Variants in DCC observed in about 807,000 individuals in gnomAD.
The protein encoded by DCC is DCC netrin 1 receptor.
DCC carries 58 observed loss-of-function variants against 172.5 expected under a neutral mutation model. The observed-to-expected ratio is 0.34, with a 90% CI of 0.27 to 0.42. The LOEUF (loss-of-function observed/expected upper bound fraction) is 0.42. Among genes scored for constraint, DCC ranks in the 10% least tolerant of loss-of-function variants. The pLI, the probability that DCC is intolerant of heterozygous loss-of-function variation, is 1.00. For synonymous variants in DCC, 709 were observed against 644.5 expected (o/e 1.10, Z -1.52); for missense variants, 1,740 against 1,791.0 (o/e 0.97, Z 0.51).
chr18:52,367,093 G>A (rs527269445), intron 1 of DCC, among the ~76,000 whole-genome samples: 6 of 152,310 alleles, frequency 3.9e-5, no homozygotes, highest in Non-Finnish European at 7.4e-5. Flanking sequence ...GCGCAGCGCC[G>A]GTGGGCTGGC....
At chr18:52,929,461 A>G (rs1270954293) in intron 5 of DCC, among the ~76,000 whole-genome samples, 1 of 152,190 alleles carries the variant, frequency 6.6e-6, no homozygotes, top group Non-Finnish European at 1.5e-5. Flanking sequence ...ACATAAAATA[A>G]AATACGTGAC....
intron 9 of DCC, among the ~76,000 whole-genome samples, chr18:53,189,607 G>A (rs1334926617): frequency 6.6e-6 from 1 of 152,066 alleles, no homozygotes; most frequent in African/African-American, 2.4e-5. Flanking sequence ...TAGAAATGTT[G>A]GTATTAACAG....
At chr18:52,498,400 GATC>G (rs1434803056) in intron 1 of DCC, among the ~76,000 whole-genome samples, 1 of 152,118 alleles carries the variant, frequency 6.6e-6, no homozygotes, top group Non-Finnish European at 1.5e-5. Context: ...AAGGTGGGTG[GATC>G]ACTTGAGGTC....
intron 1 of DCC, among the ~76,000 whole-genome samples, chr18:52,381,739 G>A (rs894636602): frequency 1.3e-5 from 2 of 152,008 alleles, no homozygotes; most frequent in Non-Finnish European, 1.5e-5. Flanking sequence ...TCACTGGGGC[G>A]GCTGTTTCTT....
chr18:52,397,254 G>T (rs752079774), intron 1 of DCC, among the ~76,000 whole-genome samples: 1 of 151,950 alleles, frequency 6.6e-6, no homozygotes, highest in Non-Finnish European at 1.5e-5. Context: ...CTCCCAAAAC[G>T]CATACTTCTA....
At chr18:52,370,224 T>G (rs1348206483) in intron 1 of DCC, among the ~76,000 whole-genome samples, 1 of 152,202 alleles carries the variant, frequency 6.6e-6, no homozygotes, top group Non-Finnish European at 1.5e-5. Context: ...ATCCTATTAC[T>G]GGGTATGTAC....
In DCC at chr18:52,749,856, T is replaced by A. The variant is rs79106229; in HGVS notation, c.92-2198T>A. Among the ~76,000 whole-genome samples, 46 of 152,334 alleles carry A rather than the reference T, an allele frequency of 3.0e-4. No individual in the cohort carries two copies. The East Asian group carries it at 8.3e-3, about 27-fold the overall frequency. The stretch of plus-strand genomic sequence containing the variant: ...CAAAAAAGCAATACATGCTTTCTAA[T>A]ATAGTTGCCTGCTCTTGAATTTCAA... On this transcript the variant is annotated intron_variant, in intron 1 of 28. Coordinates refer to ENST00000442544, the MANE Select transcript of DCC (RefSeq NM_005215.4).
rs568229584 is a variant in DCC, at chr18:53,028,273, C to G, written c.986-35032C>G. ...TCTTTTCGTTTTGTTTTGATTTTTG[C>G]TTTCTCAACTGTAGAATTCACATTA... On this transcript the variant is annotated intron_variant, in intron 5 of 28. Transcript: ENST00000442544. Among the ~76,000 whole-genome samples the G allele has an allele frequency of 5.3e-4, 81 of 152,030 alleles. 3 individuals carry two copies. The highest frequency in any genetic ancestry group is 6.6e-5 in the Admixed American group (1 of 15,248).
chr18:52,916,537 G>A (rs1319828498), intron 3 of DCC, among the ~76,000 whole-genome samples: 1 of 152,146 alleles, frequency 6.6e-6, no homozygotes, highest in African/African-American at 2.4e-5. Flanking sequence ...CTAATACAAT[G>A]TACCAATCCA....
chr18:52,669,489 G>A (rs2035513518), intron 1 of DCC, among the ~76,000 whole-genome samples: 2 of 152,144 alleles, frequency 1.3e-5, no homozygotes, highest in African/African-American at 4.8e-5. Flanking sequence ...TGCCCAAGAA[G>A]GAACAAGGAC....
chr18:52,815,301 T>C (rs2038272477), intron 2 of DCC, among the ~76,000 whole-genome samples: 1 of 152,058 alleles, frequency 6.6e-6, no homozygotes, highest in South Asian at 2.1e-4. Context: ...AAGGAGTTGA[T>C]AAATGTTACA....
In DCC at chr18:53,181,893, G is replaced by A. The variant is rs376681590; in HGVS notation, c.1573+2777G>A. On this transcript the variant is annotated intron_variant, in intron 9 of 28. Transcript: ENST00000442544. Reference sequence around the variant, plus strand: ...GCTCGTGGGCCCATGACCTGTGATGGCTGCAGCATATTACCTAGTTAATTT... The same window carrying A: ...GCTCGTGGGCCCATGACCTGTGATGACTGCAGCATATTACCTAGTTAATTT... Among the ~76,000 whole-genome samples the A allele has an allele frequency of 1.3e-3, 192 of 152,250 alleles. 1 individual carries two copies. The highest frequency in any genetic ancestry group is 4.5e-3 in the African/African-American group (187 of 41,544).
At chr18:53,062,683 G>T (rs1599085711) in intron 5 of DCC, among the ~76,000 whole-genome samples, 1 of 152,094 alleles carries the variant, frequency 6.6e-6, no homozygotes, top group East Asian at 1.9e-4. Context: ...ATTAAGAAAT[G>T]GAATTAAATT....
chr18:53,470,714 A>T (rs1318823541), intron 25 of DCC, among the ~76,000 whole-genome samples: 1 of 152,148 alleles, frequency 6.6e-6, no homozygotes, highest in African/African-American at 2.4e-5. Flanking sequence ...TTCACAAGCC[A>T]GCAGGAAAGA....
At chr18:52,764,497 G>A (rs1431847074) in intron 2 of DCC, among the ~76,000 whole-genome samples, 1 of 152,186 alleles carries the variant, frequency 6.6e-6, no homozygotes, top group Non-Finnish European at 1.5e-5. Context: ...TGATAAATGA[G>A]CTCTTGCTTT....
At chr18:53,255,212 T>TTTTTG (rs1323797391) in intron 12 of DCC, among the ~76,000 whole-genome samples, 1 of 151,808 alleles carries the variant, frequency 6.6e-6, no homozygotes, top group African/African-American at 2.4e-5. Flanking sequence ...GGTTTTTTGT[T>TTTTTG]TTTTTTTCTA....
intron 12 of DCC, among the ~76,000 whole-genome samples, chr18:53,287,910 G>A (rs922012337): frequency 6.6e-5 from 10 of 152,102 alleles, no homozygotes; most frequent in Admixed American, 2.6e-4. Flanking sequence ...TTCTTAAAAC[G>A]TTATATTGGT....
rs547000584 is a variant in DCC at position 52,936,338 on chromosome 18, T to C, written c.985+10968T>C. Among the ~76,000 whole-genome samples, 3 of 122,682 alleles carry C rather than the reference T, an allele frequency of 2.4e-5. 1 individual carries two copies. The highest frequency in any genetic ancestry group is 2.1e-4 in the East Asian group (1 of 4,770). The allele number at this position is 122,682 out of a possible 152,430, so 80.5% of individuals were successfully genotyped here. ...GTTTGTTGGTAGCAAAATGATTCGT[T>C]ATTTCAGTTGGGAGTTAGAACTGGT... On this transcript the variant is annotated intron_variant, in intron 5 of 28. Coordinates refer to ENST00000442544, the MANE Select transcript of DCC (RefSeq NM_005215.4).
At chr18:52,359,362 A>G (rs1465764171) in intron 1 of DCC, among the ~76,000 whole-genome samples, 2 of 152,218 alleles carry the variant, frequency 1.3e-5, no homozygotes, top group Non-Finnish European at 2.9e-5. Flanking sequence ...ACCCATTTTT[A>G]TATTTAATAC....
Sources: gnomAD v4.1 joint callset for allele counts (sites outside exome capture counted in the v4.1 genomes callset) on GRCh38, gnomAD v4.1.1 for gene constraint, MANE v1.5 for transcripts, NCBI Gene and HGNC (gene_info 2026-07-23, HGNC 2026-07-21) for gene names.